Variants in MACROD2 observed in about 807,000 individuals in gnomAD.
MACROD2 encodes ADP-ribose glycohydrolase MACROD2.
Under a neutral mutation model 70.4 loss-of-function variants are expected in MACROD2, and 36 were observed. That is an observed-to-expected ratio of 0.51 (90% CI 0.39 to 0.68). MACROD2 has a LOEUF of 0.68. Ranked by LOEUF, MACROD2 falls within the 30% of genes least tolerant of loss-of-function variation. The pLI is 0.00. For synonymous variants in MACROD2, 172 were observed against 178.8 expected, an observed-to-expected ratio of 0.96 and a Z score of 0.30; for missense variants, 496 against 538.4, an observed-to-expected ratio of 0.92 and a Z score of 0.78.
intron 5 of MACROD2, among the ~76,000 whole-genome samples, chr20:14,818,743 G>A (rs1471278228): frequency 1.3e-5 from 2 of 150,290 alleles, no homozygotes; most frequent in Non-Finnish European, 3.0e-5. Context: ...GAGAGCTACA[G>A]CTATGGTAAT....
intron 15 of MACROD2, among the ~76,000 whole-genome samples, chr20:16,040,851 A>T (rs2067298060): frequency 6.6e-6 from 1 of 151,802 alleles, no homozygotes; most frequent in Admixed American, 6.6e-5. Flanking sequence ...AACTACATAA[A>T]CTCTCTCTCA....
chr20:15,748,188 T>C (rs953151624), intron 8 of MACROD2, among the ~76,000 whole-genome samples: 1 of 152,162 alleles, frequency 6.6e-6, no homozygotes, highest in Non-Finnish European at 1.5e-5. Flanking sequence ...GGAAGATTCC[T>C]TGAGGTCTAA....
At chr20:14,137,538 GT>G (rs948665446) in intron 3 of MACROD2, among the ~76,000 whole-genome samples, 1 of 152,132 alleles carries the variant, frequency 6.6e-6, no homozygotes, top group East Asian at 1.9e-4. Flanking sequence ...AAAAAGGATA[GT>G]TTTTTTCAAA....
chr20:15,287,977 T>C (rs756865661), intron 6 of MACROD2, among the ~76,000 whole-genome samples: 33 of 152,334 alleles, frequency 2.2e-4, no homozygotes, highest in Non-Finnish European at 1.0e-4. Flanking sequence ...AATATTTTCA[T>C]TCCAGCCTGT....
intron 2 of MACROD2, among the ~76,000 whole-genome samples, chr20:14,013,674 CTTTTTT>C (rs34386274): frequency 1.4e-5 from 1 of 70,944 alleles, no homozygotes; most frequent in Non-Finnish European, 2.4e-5. Context: ...TTATATTAAG[CTTTTTT>C]TTTTTTTTTT....
At chr20:15,440,294 G>A (rs1351874208) in intron 7 of MACROD2, among the ~76,000 whole-genome samples, 1 of 152,184 alleles carries the variant, frequency 6.6e-6, no homozygotes, top group Non-Finnish European at 1.5e-5. Flanking sequence ...GTTATTGGCT[G>A]TAAATGTGAG....
At chr20:14,271,864 T>A (rs2423782) in intron 3 of MACROD2, among the ~76,000 whole-genome samples, 46 of 152,040 alleles carry the variant, frequency 3.0e-4, no homozygotes, top group Admixed American at 1.7e-3. Flanking sequence ...CCTCAGGAGC[T>A]GATGCAATCA....
chr20:15,021,909 T>C (rs79959970), intron 5 of MACROD2, among the ~76,000 whole-genome samples: 2 of 152,218 alleles, frequency 1.3e-5, no homozygotes, highest in Non-Finnish European at 2.9e-5. Context: ...AAGATGCTAA[T>C]AATACAGGAA....
At chr20:14,483,550 G>T (rs990495496) in intron 3 of MACROD2, among the ~76,000 whole-genome samples, 4 of 152,214 alleles carry the variant, frequency 2.6e-5, no homozygotes, top group African/African-American at 9.6e-5. Flanking sequence ...GGGATTACAG[G>T]CATGTGCCGC....
At chr20:14,696,613 G>T (rs189184146) in intron 5 of MACROD2, among the ~76,000 whole-genome samples, 1 of 152,162 alleles carries the variant, frequency 6.6e-6, no homozygotes, top group East Asian at 1.9e-4. Context: ...TCTGGAGCTT[G>T]CCTCTTCCTA....
chr20:14,244,710 G>T (rs2081955712), intron 3 of MACROD2, among the ~76,000 whole-genome samples: 1 of 152,164 alleles, frequency 6.6e-6, no homozygotes, highest in South Asian at 2.1e-4. Flanking sequence ...CTGAGCGCTG[G>T]AGCCTCCAGG....
chr20:15,434,011 T>A (rs928736918), intron 7 of MACROD2, among the ~76,000 whole-genome samples: 2 of 151,868 alleles, frequency 1.3e-5, no homozygotes, highest in African/African-American at 4.8e-5. Flanking sequence ...TGAAACTAGA[T>A]CCTCATTTCT....
chr20:14,341,505 G>A (rs2083012502), intron 3 of MACROD2, among the ~76,000 whole-genome samples: 1 of 152,154 alleles, frequency 6.6e-6, no homozygotes, highest in Non-Finnish European at 1.5e-5. Context: ...CGGGCGTGGT[G>A]GCACGTGCCT....
chr20:15,193,985 C>G (rs1322376491), intron 5 of MACROD2, among the ~76,000 whole-genome samples: 2 of 151,998 alleles, frequency 1.3e-5, no homozygotes, highest in African/African-American at 2.4e-5. Flanking sequence ...GTGGCTCACA[C>G]CTGTAATCCC....
intron 4 of MACROD2, among the ~76,000 whole-genome samples, 195 bp from the exon 5 acceptor site, chr20:14,684,648 A>ACCACCC (rs2070977501): frequency 2.2e-5 from 3 of 134,946 alleles, no homozygotes; most frequent in Non-Finnish European, 5.0e-5. Context: ...ACATAACCTC[A>ACCACCC]CCCCCCCCCC....
intron 3 of MACROD2, among the ~76,000 whole-genome samples, chr20:14,146,306 G>A (rs916626717): frequency 3.3e-5 from 5 of 152,026 alleles, no homozygotes; most frequent in Admixed American, 6.6e-5. Flanking sequence ...GCGACAGAGC[G>A]AGACCTCCGC....
intron 3 of MACROD2, among the ~76,000 whole-genome samples, chr20:14,334,444 A>G (rs1273424590): frequency 6.6e-6 from 1 of 152,192 alleles, no homozygotes; most frequent in East Asian, 1.9e-4. Context: ...ATCCCTTTTT[A>G]TGCTCTGAAG....
intron 3 of MACROD2, among the ~76,000 whole-genome samples, chr20:14,195,343 G>A (rs7265754): frequency 0.19 from 29,379 of 151,854 alleles, 3,392 homozygotes; most frequent in African/African-American, 0.32. Context: ...CTCTGCTTAG[G>A]TGCTTGGAAT....
At chr20:14,670,284 T>C (rs1164960127) in intron 4 of MACROD2, among the ~76,000 whole-genome samples, 1 of 152,128 alleles carries the variant, frequency 6.6e-6, no homozygotes, top group Non-Finnish European at 1.5e-5. Context: ...CTGGACCCTT[T>C]AGTAGTACCT....
Sources: allele counts gnomAD v4.1 joint callset (sites outside exome capture counted in the v4.1 genomes callset), GRCh38; gene constraint gnomAD v4.1.1; transcripts MANE v1.5; gene names NCBI Gene and HGNC (gene_info 2026-07-23, HGNC 2026-07-21).